Variants in TENM2 observed in about 807,000 individuals in gnomAD.
TENM2 encodes the protein teneurin-2.
In TENM2, 52 loss-of-function variants were observed where a neutral mutation model predicts 245.2. The ratio of observed to expected loss-of-function variants is 0.21; its 90% CI spans 0.17 to 0.27. The LOEUF is 0.27. TENM2 is among the 10% of genes least tolerant of loss of function. The pLI is 1.00. For synonymous variants in TENM2, 1,363 were observed against 1,438.9 expected (o/e 0.95, Z 1.19); for missense variants, 3,046 against 3,666.8 (o/e 0.83, Z 4.37).
intron 7 of TENM2, among the ~76,000 whole-genome samples, chr5:168,067,797 A>G (rs1179489671): frequency 6.6e-6 from 1 of 152,040 alleles, no homozygotes; most frequent in East Asian, 1.9e-4. Flanking sequence ...ACTGGGCCTC[A>G]CCTTTCACAT....
intron 12 of TENM2, among the ~76,000 whole-genome samples, chr5:168,132,706 G>C (rs1343789058): frequency 1.3e-5 from 2 of 152,202 alleles, no homozygotes; most frequent in African/African-American, 2.4e-5. Context: ...AAGATTCCAG[G>C]CTCAAAGAAA....
At chr5:167,417,166 AG>A (rs999399243) in intron 2 of TENM2, among the ~76,000 whole-genome samples, 1 of 152,192 alleles carries the variant, frequency 6.6e-6, no homozygotes, top group African/African-American at 2.4e-5. Flanking sequence ...AGGTAATAGA[AG>A]GGTGTCTGTC....
At chr5:166,991,507 T>C in the TENM2 span, among the ~76,000 whole-genome samples, 5 of 152,260 alleles carry the variant, frequency 3.3e-5, no homozygotes, top group Admixed American at 2.0e-4. Flanking sequence ...TTAATGTATG[T>C]GATGTGAGAG....
exon 7 of TENM2, chr5:168,062,160 A>G (rs775012347): frequency 3.1e-6 from 5 of 1,613,768 alleles, no homozygotes; most frequent in Non-Finnish European, 4.2e-6. Context: ...GGAGGTCACA[A>G]ATTCACATCA....
rs1401664667 is a variant in TENM2 at position 168,004,505 on chromosome 5, A to ATG, written c.1186+11324_1186+11325dup. 1.2e-3 allele frequency among the ~76,000 whole-genome samples: 96 copies of ATG among 80,546 alleles called. 2 individuals are homozygous for ATG. Among genetic ancestry groups the ATG allele is most frequent in the African/African-American group, 4.8e-4 (7 of 14,594 alleles). The allele number at this position is 80,546 out of a possible 152,430, so 52.8% of individuals were successfully genotyped here. ...GTCAGCCCCCATTTGGGATGCACGCATGCGCGCGCGCGCACACACACACAC... is the reference window on the plus strand; with the variant it reads ...GTCAGCCCCCATTTGGGATGCACGCATGTGCGCGCGCGCGCACACACACACAC... On this transcript the variant is annotated intron_variant, in intron 5 of 28. Coordinates refer to ENST00000518659, the Ensembl canonical transcript of TENM2.
intron 4 of TENM2, among the ~76,000 whole-genome samples, chr5:167,990,605 A>G (rs529913078): frequency 6.6e-6 from 1 of 152,332 alleles, no homozygotes; most frequent in Non-Finnish European, 1.5e-5. Flanking sequence ...CTTGTGCTAC[A>G]ATGCTGTCAT....
At chr5:167,513,371 A>G (rs1770100017) in intron 2 of TENM2, among the ~76,000 whole-genome samples, 1 of 152,170 alleles carries the variant, frequency 6.6e-6, no homozygotes, top group South Asian at 2.1e-4. Flanking sequence ...AATTCGGTAA[A>G]AGGAAACAGT....
intron 3 of TENM2, among the ~76,000 whole-genome samples, chr5:167,902,765 A>G (rs1775808146): frequency 6.6e-6 from 1 of 152,190 alleles, no homozygotes; most frequent in Admixed American, 6.5e-5. Flanking sequence ...CTGCCTGGAA[A>G]GTGATCGTGT....
At chr5:167,635,183 G>T (rs1304144788) in intron 2 of TENM2, among the ~76,000 whole-genome samples, 1 of 152,106 alleles carries the variant, frequency 6.6e-6, no homozygotes, top group African/African-American at 2.4e-5. Context: ...TATATACAGA[G>T]ATATATAATT....
chr5:167,703,408 C>T (rs1178083641), intron 2 of TENM2, among the ~76,000 whole-genome samples: 2 of 151,726 alleles, frequency 1.3e-5, no homozygotes, highest in East Asian at 2.0e-4. Flanking sequence ...GGCACACCAC[C>T]GTAATCCCAG....
At chr5:167,373,411 T>C (rs1009726019) in intron 1 of TENM2, among the ~76,000 whole-genome samples, 1 of 152,196 alleles carries the variant, frequency 6.6e-6, no homozygotes, top group Non-Finnish European at 1.5e-5. Flanking sequence ...ATGTAATAGA[T>C]ATACGTAGAG....
At chr5:167,916,935 GGAGCTGCTTTGGGTTTCTCACTCA>G (rs1404688421) in intron 3 of TENM2, among the ~76,000 whole-genome samples, 3 of 152,138 alleles carry the variant, frequency 2.0e-5, no homozygotes, top group Non-Finnish European at 1.5e-5. Context: ...GCTTAAGCAG[GGAGCTGCTTTGGGTTTCTCACTCA>G]GAGCTGCAAT....
At chr5:168,212,271 T>C (rs1762851995) in intron 20 of TENM2, among the ~76,000 whole-genome samples, 2 of 151,906 alleles carry the variant, frequency 1.3e-5, no homozygotes, top group African/African-American at 4.8e-5. Context: ...TGGAGTAAAA[T>C]CACTTTTGAA....
At chr5:167,402,267 A>G (rs1762404474) in intron 2 of TENM2, among the ~76,000 whole-genome samples, 1 of 152,182 alleles carries the variant, frequency 6.6e-6, no homozygotes, top group Non-Finnish European at 1.5e-5. Flanking sequence ...CTAATGTATT[A>G]TATGAGCACT....
intron 23 of TENM2, among the ~76,000 whole-genome samples, chr5:168,220,428 G>A (rs1763571613): frequency 6.6e-6 from 1 of 152,178 alleles, no homozygotes; most frequent in Admixed American, 6.5e-5. Flanking sequence ...TCCAGAAAGT[G>A]TCCCTAGTTT....
rs1759097214 is a variant in TENM2, at chr5:167,714,152, A to C, written c.503-161834A>C. On this transcript the variant is annotated intron_variant, in intron 2 of 28. Coordinates refer to ENST00000518659, the Ensembl canonical transcript of TENM2. Reference sequence around the variant, plus strand: ...ACTTCACAAAGCCTTCTTTATAGCCAGGAGTGTGATCACAAGTAGGGATTT... The same window carrying C: ...ACTTCACAAAGCCTTCTTTATAGCCCGGAGTGTGATCACAAGTAGGGATTT... 2.0e-5 allele frequency among the ~76,000 whole-genome samples: 3 copies of C among 152,324 alleles called. No individual in the cohort carries two copies. The South Asian group carries it at 6.2e-4, about 32-fold the overall frequency.
At chr5:167,078,239 T>G in the TENM2 span, among the ~76,000 whole-genome samples, 1 of 152,100 alleles carries the variant, frequency 6.6e-6, no homozygotes, top group Non-Finnish European at 1.5e-5. Context: ...ATCCCAGCAC[T>G]TTGGGAGGCT....
At chr5:167,576,111 G>A (rs911024246) in intron 2 of TENM2, among the ~76,000 whole-genome samples, 4 of 152,122 alleles carry the variant, frequency 2.6e-5, no homozygotes, top group East Asian at 3.9e-4. Flanking sequence ...TTGAAGTTGC[G>A]ACTTGGCTAT....
intron 1 of TENM2, among the ~76,000 whole-genome samples, chr5:167,315,126 A>G (rs1756281703): frequency 6.6e-6 from 1 of 152,124 alleles, no homozygotes; most frequent in East Asian, 1.9e-4. Flanking sequence ...GTTTCTGGAA[A>G]TGAGATTACT....
Sources: allele counts gnomAD v4.1 joint callset (sites outside exome capture counted in the v4.1 genomes callset), GRCh38; gene constraint gnomAD v4.1.1; transcripts MANE v1.5; gene names NCBI Gene and HGNC (gene_info 2026-07-23, HGNC 2026-07-21).